MYO1E: variants seen among roughly 807,000 people sequenced by gnomAD.
The protein encoded by MYO1E is unconventional myosin-Ie.
MYO1E carries 68 observed loss-of-function variants against 151.1 expected under a neutral mutation model. That is an observed-to-expected ratio of 0.45 (90% CI 0.37 to 0.55). MYO1E has a LOEUF of 0.55. MYO1E is among the 20% of genes least tolerant of loss of function. MYO1E has a pLI of 0.00. For missense variants in MYO1E, 1,363 were observed against 1,389.3 expected (o/e 0.98, Z 0.30); for synonymous variants, 601 against 501.7 (o/e 1.20, Z -2.64).
chr15:59,236,389 C>T (rs1388190653), intron 5 of MYO1E, among the ~76,000 whole-genome samples, 196 bp downstream of exon 5: 7 of 134,022 alleles, frequency 5.2e-5, no homozygotes, highest in Admixed American at 1.5e-4. Flanking sequence ...CACACACACA[C>T]ACACACACAC....
rs988403421 is a variant in MYO1E, at chr15:59,205,576, C to T, written c.1531-91G>A. ...TATTGAACAAAAAATCTAATTTCAC[C>T]AAACAAAAAACCAAAGCTGTCATGG... On this transcript the variant is annotated intron_variant, in intron 14 of 27. Coordinates refer to ENST00000288235, the MANE Select transcript of MYO1E (RefSeq NM_004998.4). 18 of 1,292,740 alleles carry T rather than the reference C, an allele frequency of 1.4e-5. No individual in the cohort carries two copies. The African/African-American group carries it at 2.6e-4, about 19-fold the overall frequency. 80.1% of individuals were successfully genotyped at this position (1,292,740 alleles called of 1,614,324 possible).
At chr15:59,281,467 G>A (rs1191645287) in intron 1 of MYO1E, among the ~76,000 whole-genome samples, 1 of 151,828 alleles carries the variant, frequency 6.6e-6, no homozygotes, top group Non-Finnish European at 1.5e-5. Flanking sequence ...GTAGAGACGG[G>A]TTTTCACTAT....
chr15:59,294,776 A>C (rs1164628940), intron 1 of MYO1E, among the ~76,000 whole-genome samples: 1 of 152,156 alleles, frequency 6.6e-6, no homozygotes, highest in Non-Finnish European at 1.5e-5. Flanking sequence ...TCTCCTTGCC[A>C]GTGCTATTTC....
At chr15:59,151,270 A>G (rs753095508) in intron 26 of MYO1E, among the ~76,000 whole-genome samples, 8 of 151,916 alleles carry the variant, frequency 5.3e-5, no homozygotes, top group Non-Finnish European at 1.0e-4. Context: ...TACAAAAAAA[A>G]ACCAAAAAAA....
At chr15:59,306,314 C>A (rs1006579072) in intron 1 of MYO1E, among the ~76,000 whole-genome samples, 1 of 152,300 alleles carries the variant, frequency 6.6e-6, no homozygotes, top group Middle Eastern at 3.4e-3. Flanking sequence ...TATTTATGGT[C>A]TTTTCCATTA....
intron 10 of MYO1E, among the ~76,000 whole-genome samples, chr15:59,216,518 T>G (rs1272335203): frequency 6.6e-6 from 1 of 150,888 alleles, no homozygotes; most frequent in African/African-American, 2.4e-5. Flanking sequence ...GCTGAAAGAC[T>G]AATTGTCAGA....
chr15:59,249,659 C>T (rs1426177828), intron 4 of MYO1E, among the ~76,000 whole-genome samples: 1 of 152,092 alleles, frequency 6.6e-6, no homozygotes, highest in Non-Finnish European at 1.5e-5. Flanking sequence ...ATTAGGTCAT[C>T]GCTCACTTTT....
chr15:59,208,330 G>A, intron 14 of MYO1E: 1 of 561,488 alleles, frequency 1.8e-6, no homozygotes, highest in Non-Finnish European at 3.2e-6. Flanking sequence ...TTATATATAT[G>A]TAGTTGGCAT....
Position 59,136,622 on chromosome 15 carries a change from A to G in MYO1E, c.*758T>C. 1 of 452,408 alleles carries G rather than the reference A, an allele frequency of 2.2e-6. No individual in the cohort carries two copies. Among genetic ancestry groups the G allele is most frequent in the Non-Finnish European group, 4.5e-6 (1 of 224,436 alleles). 28.0% of individuals were successfully genotyped at this position (452,408 alleles called of 1,614,324 possible). A position where few individuals can be genotyped will look rare whatever the true frequency, so the allele number is the denominator to read the frequency against. On this transcript the variant is annotated 3_prime_UTR_variant, in exon 28 of 28. Transcript: ENST00000288235. ...ATCTCAAGATTTTTATATATACAGT[A>G]TATGATCTGTTTTTATAAATGTACA...
chr15:59,183,104 T>A (rs2079674161), intron 18 of MYO1E, among the ~76,000 whole-genome samples: 1 of 152,134 alleles, frequency 6.6e-6, no homozygotes, highest in Admixed American at 6.5e-5. Context: ...GCCCAGTTCC[T>A]AACAGGCCAC....
rs534809648 is a variant in MYO1E, at chr15:59,142,786, C to T, written c.3081-4419G>A. On this transcript the variant is annotated intron_variant, in intron 26 of 27. Coordinates refer to ENST00000288235, the MANE Select transcript of MYO1E (RefSeq NM_004998.4). ...TGGGGAGAGGACCCTTGTCCACATA[C>T]TTCAAGCTTACATCATATTTACTGG... Among the ~76,000 whole-genome samples the T allele has an allele frequency of 2.6e-5, 4 of 152,186 alleles. No homozygotes were observed. The South Asian group carries it at 6.2e-4, about 24-fold the overall frequency.
chr15:59,174,082 T>C (rs1392557239), intron 20 of MYO1E, 44 bp downstream of exon 20: 2 of 1,556,214 alleles, frequency 1.3e-6, no homozygotes, highest in Admixed American at 1.7e-5. Context: ...TCCAATTTAC[T>C]CTTCAGATTT....
chr15:59,360,328 A>G (rs1202997185), intron 1 of MYO1E, among the ~76,000 whole-genome samples: 1 of 152,174 alleles, frequency 6.6e-6, no homozygotes, highest in Non-Finnish European at 1.5e-5. Context: ...ACCATCTTAC[A>G]GTCCAAAAGA....
rs1555411940 is a variant in MYO1E, at chr15:59,216,667, T to TAC, written c.1107+1223_1107+1224insGT. On this transcript the variant is annotated intron_variant, in intron 10 of 27. Coordinates refer to ENST00000288235, the MANE Select transcript of MYO1E (RefSeq NM_004998.4). ...CAGTGTGTGTGTGTGTGTGTATGTG[T>TAC]ATATATATATATATATATACACATA... 1.8e-3 allele frequency among the ~76,000 whole-genome samples: 16 copies of TAC among 8,676 alleles called. 1 individual carries two copies. The highest frequency in any genetic ancestry group is 0.017 in the Admixed American group (8 of 472). 5.7% of individuals were successfully genotyped at this position (8,676 alleles called of 152,430 possible).
intron 1 of MYO1E, among the ~76,000 whole-genome samples, chr15:59,356,225 G>A (rs1314554738): frequency 6.6e-6 from 1 of 152,180 alleles, no homozygotes; most frequent in Admixed American, 6.5e-5. Context: ...CAAGCCACCT[G>A]GCTTTCAGGT....
chr15:59,198,773 C>T (rs2079783493), intron 16 of MYO1E, among the ~76,000 whole-genome samples: 1 of 151,628 alleles, frequency 6.6e-6, no homozygotes, highest in South Asian at 2.1e-4. Flanking sequence ...GAGCCAAGAT[C>T]GCATCACTGC....
At chr15:59,318,889 C>T (rs933786860) in intron 1 of MYO1E, among the ~76,000 whole-genome samples, 5 of 152,078 alleles carry the variant, frequency 3.3e-5, no homozygotes, top group African/African-American at 1.2e-4. Flanking sequence ...GTCTATCTGA[C>T]TTCCTGTCTT....
intron 16 of MYO1E, among the ~76,000 whole-genome samples, chr15:59,197,708 A>G (rs2079776534): frequency 6.6e-6 from 1 of 152,208 alleles, no homozygotes; most frequent in African/African-American, 2.4e-5. Context: ...TGACAAAGAG[A>G]TGGGATCATT....
At chr15:59,245,618 A>C (rs1190528894) in intron 4 of MYO1E, among the ~76,000 whole-genome samples, 1 of 152,220 alleles carries the variant, frequency 6.6e-6, no homozygotes, top group Non-Finnish European at 1.5e-5. Context: ...AGGATACTTC[A>C]AATAAAAAAA....
Sources: allele counts gnomAD v4.1 joint callset (sites outside exome capture counted in the v4.1 genomes callset), GRCh38; gene constraint gnomAD v4.1.1; transcripts MANE v1.5; gene names NCBI Gene and HGNC (gene_info 2026-07-23, HGNC 2026-07-21).